MATCAP2: variants seen among roughly 807,000 people sequenced by gnomAD.
The protein encoded by MATCAP2 is microtubule associated tyrosine carboxypeptidase 2.
chr7:36,330,454 T>G, the MATCAP2 span, among the ~76,000 whole-genome samples: 1 of 151,618 alleles, frequency 6.6e-6, no homozygotes, highest in Non-Finnish European at 1.5e-5. Flanking sequence ...GGGGAGACTA[T>G]CACAGATTAA....
chr7:36,379,924 ATGCC>A, the MATCAP2 span, among the ~76,000 whole-genome samples: 1 of 151,628 alleles, frequency 6.6e-6, no homozygotes, highest in African/African-American at 2.4e-5. Context: ...AATCTGAATG[ATGCC>A]TGGAATCCAG....
chr7:36,380,182 A>G, the MATCAP2 span, among the ~76,000 whole-genome samples: 62,988 of 151,956 alleles, frequency 0.41, 13,600 homozygotes, highest in African/African-American at 0.51. Flanking sequence ...TGAGCATGCC[A>G]TAGAGGTGGC....
At chr7:36,337,386 A>T in the MATCAP2 span, among the ~76,000 whole-genome samples, 2 of 152,158 alleles carry the variant, frequency 1.3e-5, no homozygotes, top group South Asian at 4.1e-4. Context: ...TCTATGGGAA[A>T]GTCATAGAAA....
At chr7:36,326,616 TA>T in the MATCAP2 span, 1 of 641,878 alleles carries the variant, frequency 1.6e-6, no homozygotes, top group Non-Finnish European at 2.5e-6. Context: ...GTACTTAACC[TA>T]AAAATTCCGC....
the MATCAP2 span, among the ~76,000 whole-genome samples, chr7:36,343,682 GGAAA>G: frequency 2.0e-5 from 3 of 148,986 alleles, no homozygotes; most frequent in African/African-American, 5.0e-5. Context: ...AAGGAAGGAA[GGAAA>G]GAAGGAAGGA....
chr7:36,339,439 T>G, the MATCAP2 span, among the ~76,000 whole-genome samples: 3 of 152,218 alleles, frequency 2.0e-5, no homozygotes, highest in East Asian at 5.8e-4. Context: ...TGGTGCCAAA[T>G]GCAGATTTTT....
At chr7:36,373,493 T>C in the MATCAP2 span, among the ~76,000 whole-genome samples, 1 of 152,186 alleles carries the variant, frequency 6.6e-6, no homozygotes, top group Non-Finnish European at 1.5e-5. Context: ...ATAATTTGGC[T>C]GATCCTGGAC....
chr7:36,376,055 A>G, the MATCAP2 span, among the ~76,000 whole-genome samples: 26 of 151,910 alleles, frequency 1.7e-4, no homozygotes, highest in African/African-American at 5.6e-4. Flanking sequence ...GGATTCATTG[A>G]TTTTTTTGAA....
At chr7:36,361,125 T>C in the MATCAP2 span, among the ~76,000 whole-genome samples, 3 of 152,194 alleles carry the variant, frequency 2.0e-5, no homozygotes, top group African/African-American at 7.2e-5. Context: ...ACTGAAGTTA[T>C]CAACACAATG....
the MATCAP2 span, chr7:36,326,593 T>C: frequency 0.09 from 40,587 of 450,322 alleles, 2,311 homozygotes; most frequent in East Asian, 0.16. Flanking sequence ...TTTAGGGAAA[T>C]AGTTTAAGAT....
chr7:36,352,594 G>A, the MATCAP2 span, among the ~76,000 whole-genome samples: 6 of 151,716 alleles, frequency 4.0e-5, no homozygotes, highest in Non-Finnish European at 7.4e-5. Context: ...TTGGGAGGTC[G>A]AGGTGGGTGG....
At chr7:36,371,366 G>A in the MATCAP2 span, among the ~76,000 whole-genome samples, 115 of 152,130 alleles carry the variant, frequency 7.6e-4, no homozygotes, top group African/African-American at 2.5e-3. Context: ...GCCTGCCTCC[G>A]CCTCCCAAAA....
At chr7:36,325,019 T>C in the MATCAP2 span, 55 of 152,366 alleles carry the variant, frequency 3.6e-4, no homozygotes, top group African/African-American at 1.2e-3. Flanking sequence ...GACATAAATA[T>C]TGCCATTTCT....
chr7:36,326,527 A>G, the MATCAP2 span: 1 of 315,328 alleles, frequency 3.2e-6, no homozygotes, highest in Non-Finnish European at 5.8e-6. Context: ...TTTTCATCTG[A>G]CTCTGTCGAG....
chr7:36,351,289 G>A, the MATCAP2 span, among the ~76,000 whole-genome samples: 3 of 152,232 alleles, frequency 2.0e-5, no homozygotes, highest in South Asian at 2.1e-4. Context: ...CCAGCTACTC[G>A]GGAGGCTGAG....
At chr7:36,331,808 T>C in the MATCAP2 span, among the ~76,000 whole-genome samples, 1 of 152,224 alleles carries the variant, frequency 6.6e-6, no homozygotes, top group Admixed American at 6.5e-5. Context: ...AAAATTTTGC[T>C]CTATTAAATT....
At chr7:36,371,561 G>C in the MATCAP2 span, among the ~76,000 whole-genome samples, 6 of 152,060 alleles carry the variant, frequency 3.9e-5, no homozygotes, top group African/African-American at 1.4e-4. Context: ...TGTAATAAAA[G>C]AAGATCATTT....
At chr7:36,356,114 C>A in the MATCAP2 span, 3 of 152,146 alleles carry the variant, frequency 2.0e-5, no homozygotes, top group Non-Finnish European at 2.9e-5. Context: ...AGTTCATGGA[C>A]AAGAATCAAG....
the MATCAP2 span, chr7:36,325,224 T>A: frequency 6.6e-6 from 1 of 152,254 alleles, no homozygotes; most frequent in Non-Finnish European, 1.5e-5. Flanking sequence ...ATGTACAGGA[T>A]ACACACTACC....
Sources: allele counts gnomAD v4.1 joint callset (sites outside exome capture counted in the v4.1 genomes callset), GRCh38; gene constraint gnomAD v4.1.1; transcripts MANE v1.5; gene names NCBI Gene and HGNC (gene_info 2026-07-23, HGNC 2026-07-21).